The following DDRGK1 variants were observed in gnomAD, a reference collection of about 807,000 sequenced individuals.
DDRGK1 encodes DDRGK domain containing 1.
In DDRGK1, 38 loss-of-function variants were observed where a neutral mutation model predicts 45.8. The ratio of observed to expected loss-of-function variants is 0.83; its 90% CI spans 0.64 to 1.09. The LOEUF (loss-of-function observed/expected upper bound fraction) is 1.09, where lower values mean the gene tolerates loss of function less well. Ranked by LOEUF, DDRGK1 falls within the 50% of genes least tolerant of loss-of-function variation. The pLI is 0.00. For missense variants in DDRGK1, 403 were observed against 419.9 expected (o/e 0.96, Z 0.35); for synonymous variants, 171 against 168.7 (o/e 1.01, Z -0.11).
chr20:3,203,450 T>A, intron 1 of DDRGK1, 34 bp from the exon 2 acceptor site: 1 of 1,503,106 alleles, frequency 6.7e-7, no homozygotes, highest in South Asian at 1.3e-5. Flanking sequence ...ATGCTGCCTA[T>A]AAGCCCAGCC....
At chr20:3,199,309 T>C (rs1461447223) in intron 4 of DDRGK1, among the ~76,000 whole-genome samples, 1 of 152,178 alleles carries the variant, frequency 6.6e-6, no homozygotes, top group Admixed American at 6.5e-5. Flanking sequence ...TAAGGTACAT[T>C]AAGCGGGACC....
chr20:3,198,494 A>G (rs559283679), intron 4 of DDRGK1, among the ~76,000 whole-genome samples: 3 of 150,060 alleles, frequency 2.0e-5, no homozygotes, highest in African/African-American at 7.4e-5. Context: ...TGAGGTCGGG[A>G]GTTCGAGACC....
At chr20:3,194,608 C>G (rs1198634265) in intron 6 of DDRGK1, among the ~76,000 whole-genome samples, 1 of 152,222 alleles carries the variant, frequency 6.6e-6, no homozygotes, top group Non-Finnish European at 1.5e-5. Context: ...AGGAAGTGAT[C>G]AAAGGCTTGC....
At chr20:3,192,864 A>G (rs2066995177) in intron 6 of DDRGK1, among the ~76,000 whole-genome samples, 1 of 152,190 alleles carries the variant, frequency 6.6e-6, no homozygotes, top group South Asian at 2.1e-4. Context: ...GAAATGCCAA[A>G]GCCGTATGTA....
In DDRGK1 at chr20:3,194,895, G is replaced by A. The variant is rs763196764; in HGVS notation, c.634-27C>T. 2.8e-5 allele frequency: 45 copies of A among 1,612,524 alleles called. 1 individual carries two copies. Among genetic ancestry groups the A allele is most frequent in the South Asian group, 6.6e-5 (6 of 90,880 alleles). ...TAGAGAAGCAGAGAAATCAGGGTGA[G>A]CACCCCCTAGCAAGCCCACAGGGTT... On this transcript the variant is annotated intron_variant, in intron 5 of 8. Coordinates refer to ENST00000354488, the MANE Select transcript of DDRGK1 (RefSeq NM_023935.3).
chr20:3,204,575 A>G lies in DDRGK1; in HGVS notation c.53T>C (p.Ile18Thr). 6.3e-7 allele frequency: 1 copy of G among 1,580,250 alleles called. No homozygotes were observed. The highest frequency in any genetic ancestry group is 8.6e-7 in the Non-Finnish European group (1 of 1,168,940). ...LVAAALLVGF[I>T]LFLTRSRGRA... ...GCCCCGGCTGCGAGTCAGGAAGAGG[A>G]TAAAGCCGACTAGCAGAGCCGCCGC... Residue 18 changes from isoleucine to threonine, a missense_variant, in exon 1 of 9, where the codon ATC becomes ACC. Transcript: ENST00000354488.
In DDRGK1 at chr20:3,203,412, G is replaced by C. The variant is rs2067050696; in HGVS notation, c.96C>G (p.Gly32=). 6.4e-7 allele frequency: 1 copy of C among 1,566,288 alleles called. No individual in the cohort carries two copies. The highest frequency in any genetic ancestry group is 8.6e-7 in the Non-Finnish European group (1 of 1,156,616). The change falls in exon 2 of 9, where the codon GGC becomes GGG. Residue 32 remains glycine, a synonymous_variant. Coordinates refer to ENST00000354488, the MANE Select transcript of DDRGK1 (RefSeq NM_023935.3). ...GCTCCTCATTGTGCAGTGGCTCTTG[G>C]CCGGCTGTAGGGAAGACAGAAATGA... ...TRSRGRAASA[G]QEPLHNEELA... is the part of the protein sequence containing the mutation.
At position 3,200,449 on chromosome 20, in the gene DDRGK1, C is replaced by A; in HGVS notation, c.301G>T (p.Glu101Ter). The A allele has an allele frequency of 6.4e-7, 1 of 1,570,172 alleles. No individual in the cohort carries two copies. The highest frequency in any genetic ancestry group is 8.6e-7 in the Non-Finnish European group (1 of 1,156,898). The change falls in exon 3 of 9, where the codon GAG becomes TAG. Residue 101 changes from glutamate (E) to a stop codon, truncating the protein, a stop_gained. Coordinates refer to ENST00000354488, the MANE Select transcript of DDRGK1 (RefSeq NM_023935.3). LOFTEE classifies it high-confidence loss of function. ...GCTGGCTTCTCGACACCTTCCTCCTCCTGGGCTGGGTATGGTCAAAGAAAG... is the reference window on the plus strand; with the variant it reads ...GCTGGCTTCTCGACACCTTCCTCCTACTGGGCTGGGTATGGTCAAAGAAAG... ...NEEEAVILAQEEEGVEKPAET... is the reference protein window; with the variant it reads ...NEEEAVILAQ
intron 4 of DDRGK1, among the ~76,000 whole-genome samples, chr20:3,198,296 C>T (rs1178447321): frequency 3.4e-5 from 5 of 146,852 alleles, no homozygotes; most frequent in Non-Finnish European, 7.5e-5. Flanking sequence ...CCCACCTACT[C>T]GGGAGAATGA....
Position 3,190,388 on chromosome 20 carries a change from CATA to C in DDRGK1, c.*262_*264del, listed in dbSNP as rs2066984150. 1.7e-5 allele frequency: 8 copies of C among 457,752 alleles called. No homozygotes were observed. The highest frequency in any genetic ancestry group is 2.7e-5 in the Non-Finnish European group (7 of 259,298). The allele number at this position is 457,752 out of a possible 1,614,324, so 28.4% of individuals were successfully genotyped here. A position where few individuals can be genotyped will look rare whatever the true frequency, so the allele number is the denominator to read the frequency against. The stretch of plus-strand genomic sequence containing the variant: ...GGCTATTTTCTTGAATGAATGGATT[CATA>C]ATAAGAACAGGACTTCACCAGCTTC... On this transcript the variant is annotated 3_prime_UTR_variant, in exon 9 of 9. Transcript: ENST00000354488.
chr20:3,190,884 C>G, intron 8 of DDRGK1, 65 bp from the exon 9 acceptor site: 2 of 1,529,688 alleles, frequency 1.3e-6, no homozygotes, highest in Non-Finnish European at 1.8e-6. Context: ...CCTGAGAATG[C>G]CCACCTACTC....
intron 4 of DDRGK1, among the ~76,000 whole-genome samples, chr20:3,196,438 G>A (rs948612127): frequency 1.4e-4 from 21 of 152,040 alleles, no homozygotes; most frequent in African/African-American, 4.8e-4. Context: ...AGCACTTTGG[G>A]AGGCCAAGGC....
At chr20:3,191,886 C>T in intron 6 of DDRGK1, 65 bp from the exon 7 acceptor site, 1 of 1,519,936 alleles carries the variant, frequency 6.6e-7, no homozygotes, top group Non-Finnish European at 8.9e-7. Flanking sequence ...AGCATGGGCA[C>T]CCTCCAGGTT....
At chr20:3,191,533 G>T in intron 7 of DDRGK1, 2 of 722,920 alleles carry the variant, frequency 2.8e-6, no homozygotes, top group Non-Finnish European at 5.0e-6. Flanking sequence ...GGGCTGCTTT[G>T]GTCACAGGGG....
In DDRGK1 at chr20:3,204,031, G is replaced by A. The variant is rs557155675; in HGVS notation, c.91+506C>T. On this transcript the variant is annotated intron_variant, in intron 1 of 8. Coordinates refer to ENST00000354488, the MANE Select transcript of DDRGK1 (RefSeq NM_023935.3). ...CCTTCTGATCGGGGAGCGGATTGGG[G>A]AGGGAGAGTGGGCCCTCTCCTTGGC... Among the ~76,000 whole-genome samples, 34 of 152,324 alleles carry A rather than the reference G, an allele frequency of 2.2e-4. No individual in the cohort carries two copies. The South Asian group carries it at 4.8e-3, about 21-fold the overall frequency.
chr20:3,200,186 CCTGGGCCAGGGCA>C, intron 3 of DDRGK1, 84 bp from the exon 4 acceptor site: 1 of 1,528,338 alleles, frequency 6.5e-7, no homozygotes, highest in Non-Finnish European at 8.9e-7. Flanking sequence ...GAAGGCAATG[CCTGGGCCAGGGCA>C]CAGACCCAGG....
At chr20:3,201,912 T>G (rs1448407018) in intron 2 of DDRGK1, among the ~76,000 whole-genome samples, 1 of 152,052 alleles carries the variant, frequency 6.6e-6, no homozygotes, top group Non-Finnish European at 1.5e-5. Flanking sequence ...TCCACCCGCC[T>G]CGGCCTCCCA....
chr20:3,193,207 C>T (rs548196982), intron 6 of DDRGK1, among the ~76,000 whole-genome samples: 28 of 152,260 alleles, frequency 1.8e-4, no homozygotes, highest in African/African-American at 5.5e-4. Context: ...CTCTCATAAA[C>T]GATGCTGGGT....
Position 3,200,121 on chromosome 20 carries a change from A to G in DDRGK1, c.409-19T>C. The stretch of plus-strand genomic sequence containing the variant: ...CCTCTGCCTGGAGAGAGGTCTTCAT[A>G]GGGGCACATCCCTCACCCCCGGCTA... On this transcript the variant is annotated intron_variant, in intron 3 of 8. Transcript: ENST00000354488. 6.2e-7 allele frequency: 1 copy of G among 1,605,168 alleles called. No individual in the cohort carries two copies. The highest frequency in any genetic ancestry group is 8.5e-7 in the Non-Finnish European group (1 of 1,176,224).
Sources: gnomAD v4.1 joint callset for allele counts (sites outside exome capture counted in the v4.1 genomes callset) on GRCh38, gnomAD v4.1.1 for gene constraint, MANE v1.5 for transcripts, NCBI Gene and HGNC (gene_info 2026-07-23, HGNC 2026-07-21) for gene names.